CSMD1: variants seen among roughly 807,000 people sequenced by gnomAD.
The protein encoded by CSMD1 is CUB and sushi domain-containing protein 1.
Under a neutral mutation model 417.5 loss-of-function variants are expected in CSMD1, and 213 were observed. That is an observed-to-expected ratio of 0.51 (90% CI 0.46 to 0.57). The LOEUF (loss-of-function observed/expected upper bound fraction) is 0.57, where lower values mean the gene tolerates loss of function less well. CSMD1 is among the 20% of genes least tolerant of loss of function. The pLI, the probability that CSMD1 is intolerant of heterozygous loss-of-function variation, is 0.00. For synonymous variants in CSMD1, 2,862 were observed against 1,736.8 expected (o/e 1.65, Z -16.11); for missense variants, 6,923 against 4,529.7 (o/e 1.53, Z -15.17).
At chr8:4,012,522 C>CA (rs758601450) in intron 4 of CSMD1, among the ~76,000 whole-genome samples, 56 of 152,250 alleles carry the variant, frequency 3.7e-4, no homozygotes, top group Admixed American at 7.9e-4. Context: ...ATGATCCCTA[C>CA]ACCCAGGTAG....
chr8:4,080,951 C>T (rs1395802195), intron 3 of CSMD1, among the ~76,000 whole-genome samples: 1 of 152,144 alleles, frequency 6.6e-6, no homozygotes, highest in African/African-American at 2.4e-5. Flanking sequence ...GGACTCTACC[C>T]TCCTGAATCA....
intron 3 of CSMD1, among the ~76,000 whole-genome samples, chr8:4,060,858 C>G (rs1015914043): frequency 1.3e-5 from 2 of 151,994 alleles, no homozygotes; most frequent in African/African-American, 4.8e-5. Context: ...GTTAGATGAC[C>G]AGACAGGAAG....
chr8:4,831,109 C>A (rs114884115), intron 1 of CSMD1, among the ~76,000 whole-genome samples: 1 of 152,080 alleles, frequency 6.6e-6, no homozygotes, highest in Non-Finnish European at 1.5e-5. Flanking sequence ...TTACCTATGC[C>A]TTAGGAAAAA....
At chr8:4,171,571 C>G (rs754970228) in intron 3 of CSMD1, among the ~76,000 whole-genome samples, 2 of 151,624 alleles carry the variant, frequency 1.3e-5, no homozygotes, top group African/African-American at 4.9e-5. Flanking sequence ...TGGAGTGATA[C>G]GTTGCCAAAT....
chr8:3,037,346 C>G (rs1285198056), intron 50 of CSMD1, among the ~76,000 whole-genome samples: 1 of 140,606 alleles, frequency 7.1e-6, no homozygotes, highest in African/African-American at 2.6e-5. Context: ...GCTGGGACTA[C>G]AGGCGCCCGC....
At chr8:3,954,687 C>A (rs112109285) in intron 5 of CSMD1, among the ~76,000 whole-genome samples, 1 of 152,222 alleles carries the variant, frequency 6.6e-6, no homozygotes, top group African/African-American at 2.4e-5. Context: ...TATAGACTCC[C>A]CTCTTTCCCA....
At chr8:4,220,322 G>T (rs868005054) in intron 3 of CSMD1, among the ~76,000 whole-genome samples, 4 of 152,186 alleles carry the variant, frequency 2.6e-5, no homozygotes, top group Middle Eastern at 3.2e-3. Context: ...TTTGAAGCGT[G>T]AGAAGGAGGT....
intron 40 of CSMD1, among the ~76,000 whole-genome samples, chr8:3,146,272 G>A (rs1005233394): frequency 2.6e-5 from 4 of 151,946 alleles, no homozygotes; most frequent in African/African-American, 9.7e-5. Flanking sequence ...AACGGAGACC[G>A]AAATCCTGAG....
At chr8:3,342,891 A>ATG (rs757003156) in intron 23 of CSMD1, among the ~76,000 whole-genome samples, 6 of 72,264 alleles carry the variant, frequency 8.3e-5, no homozygotes, top group African/African-American at 1.7e-4. Flanking sequence ...GTATAAATAT[A>ATG]TGTGTGTATG....
chr8:3,056,958 G>C (rs1227395844), intron 49 of CSMD1, among the ~76,000 whole-genome samples: 2 of 151,988 alleles, frequency 1.3e-5, no homozygotes, highest in East Asian at 3.9e-4. Flanking sequence ...CCTGCCATTT[G>C]TTTTTGAGTT....
At chr8:4,739,313 T>A (rs976704345) in intron 1 of CSMD1, among the ~76,000 whole-genome samples, 1 of 152,236 alleles carries the variant, frequency 6.6e-6, no homozygotes, top group African/African-American at 2.4e-5. Flanking sequence ...ATAGCCATAG[T>A]TGACAGAACT....
intron 3 of CSMD1, among the ~76,000 whole-genome samples, chr8:4,200,285 AT>A (rs904636659): frequency 1.3e-5 from 2 of 152,128 alleles, no homozygotes; most frequent in African/African-American, 4.8e-5. Flanking sequence ...TCAGAGGATA[AT>A]TTTTTTGTTA....
intron 3 of CSMD1, among the ~76,000 whole-genome samples, chr8:4,385,852 G>C (rs1041418042): frequency 3.2e-4 from 49 of 152,074 alleles, no homozygotes; most frequent in Non-Finnish European, 1.2e-4. Flanking sequence ...TTAAAATCTG[G>C]ATATTTAAAA....
At chr8:4,248,874 A>C (rs140681876) in intron 3 of CSMD1, among the ~76,000 whole-genome samples, 485 of 150,784 alleles carry the variant, frequency 3.2e-3, no homozygotes, top group African/African-American at 0.011. Context: ...GTCACTCAAC[A>C]GTTTTCTGTT....
Position 3,708,436 on chromosome 8 carries a change from A to T in CSMD1, c.987T>A (p.Asp329Glu). 1.2e-6 allele frequency: 2 copies of T among 1,613,912 alleles called. No individual in the cohort carries two copies. Among genetic ancestry groups the T allele is most frequent in the Non-Finnish European group, 1.7e-6 (2 of 1,179,862 alleles). ...SRGVKMLPSK[D>E]GSHKNSVLSQ... ...CACAGACAGAGTTTTTATGGCTTCC[A>T]TCCTTGCTGGGCAGCATCTTGACTC... is the stretch of plus-strand genomic sequence containing the variant. Residue 329 changes from aspartate to glutamate, a missense_variant, in exon 7 of 70, where the codon GAT (aspartate) becomes GAA (glutamate). By Grantham distance (45) the Asp-to-Glu change is conservative. Coordinates refer to ENST00000635120, the MANE Select transcript of CSMD1 (RefSeq NM_033225.6).
chr8:4,384,763 C>G (rs1803336478), intron 3 of CSMD1, among the ~76,000 whole-genome samples: 1 of 152,152 alleles, frequency 6.6e-6, no homozygotes, highest in Admixed American at 6.5e-5. Context: ...TCAGCAATTC[C>G]TACCGGTCGG....
chr8:4,411,396 G>C (rs979665077), intron 3 of CSMD1, among the ~76,000 whole-genome samples: 1 of 151,776 alleles, frequency 6.6e-6, no homozygotes, highest in African/African-American at 2.4e-5. Flanking sequence ...GCTGGTCTTA[G>C]AATTCATTAA....
intron 3 of CSMD1, among the ~76,000 whole-genome samples, chr8:4,108,694 G>A (rs1340103957): frequency 6.6e-6 from 1 of 151,494 alleles, no homozygotes; most frequent in East Asian, 1.9e-4. Context: ...GAACAGTTAA[G>A]CAGACAATAC....
intron 6 of CSMD1, among the ~76,000 whole-genome samples, chr8:3,747,202 C>G (rs1384630446): frequency 6.6e-6 from 1 of 152,174 alleles, no homozygotes. Context: ...ACGAGAGCCA[C>G]AGCCCTTAAT....
Sources: allele counts gnomAD v4.1 joint callset (sites outside exome capture counted in the v4.1 genomes callset), GRCh38; gene constraint gnomAD v4.1.1; transcripts MANE v1.5; gene names NCBI Gene and HGNC (gene_info 2026-07-23, HGNC 2026-07-21).